MATN2: variants seen among roughly 807,000 people sequenced by gnomAD.
MATN2 encodes matrilin 2, also known as matrilin-2.
MATN2 carries 69 observed loss-of-function variants against 103.2 expected under a neutral mutation model. The observed-to-expected ratio is 0.67, with a 90% CI of 0.55 to 0.82. The LOEUF (loss-of-function observed/expected upper bound fraction) is 0.82. Ranked by LOEUF, MATN2 falls within the 40% of genes least tolerant of loss-of-function variation. The pLI, the probability that MATN2 is intolerant of heterozygous loss-of-function variation, is 0.00. For missense variants in MATN2, 1,023 were observed against 1,211.5 expected, an observed-to-expected ratio of 0.84 and a Z score of 2.31; for synonymous variants, 429 against 450.2, an observed-to-expected ratio of 0.95 and a Z score of 0.60.
intron 4 of MATN2, among the ~76,000 whole-genome samples, chr8:97,959,565 T>C (rs1811241958): frequency 6.6e-6 from 1 of 152,190 alleles, no homozygotes; most frequent in Non-Finnish European, 1.5e-5. Flanking sequence ...ATTGGAAATG[T>C]GAGATATAAA....
chr8:98,018,206 T>G, intron 12 of MATN2, 90 bp downstream of exon 12: 1 of 1,522,646 alleles, frequency 6.6e-7, no homozygotes, highest in Admixed American at 1.8e-5. Flanking sequence ...CCTCCTTTAT[T>G]ACCACTGTCA....
At chr8:97,983,498 C>G (rs1421359221) in intron 6 of MATN2, among the ~76,000 whole-genome samples, 1 of 152,160 alleles carries the variant, frequency 6.6e-6, no homozygotes, top group Admixed American at 6.5e-5. Flanking sequence ...AGGGTCTTTT[C>G]ACCAGAAAGA....
intron 2 of MATN2, among the ~76,000 whole-genome samples, chr8:97,900,164 A>G (rs1159790803): frequency 1.3e-5 from 2 of 152,252 alleles, no homozygotes; most frequent in African/African-American, 4.8e-5. Context: ...TTATAGGGAA[A>G]GATGAAAGGA....
intron 2 of MATN2, among the ~76,000 whole-genome samples, chr8:97,902,571 C>A (rs574373738): frequency 6.6e-6 from 1 of 151,520 alleles, no homozygotes; most frequent in African/African-American, 2.4e-5. Context: ...TCTCATAGAT[C>A]ACAAAGCTCT....
intron 6 of MATN2, among the ~76,000 whole-genome samples, chr8:97,992,177 A>C (rs1001683337): frequency 6.6e-6 from 1 of 152,196 alleles, no homozygotes; most frequent in African/African-American, 2.4e-5. Context: ...AAGGGAAAGG[A>C]CCAGAATGTA....
At chr8:97,919,064 C>T (rs1463362693) in intron 2 of MATN2, among the ~76,000 whole-genome samples, 1 of 152,124 alleles carries the variant, frequency 6.6e-6, no homozygotes. Context: ...CAAGGCCACT[C>T]CTGGTTTGGG....
At chr8:97,953,190 C>G (rs1003314855) in intron 4 of MATN2, among the ~76,000 whole-genome samples, 1 of 151,980 alleles carries the variant, frequency 6.6e-6, no homozygotes, top group African/African-American at 2.4e-5. Context: ...TAGGTGTGAC[C>G]CATCGTGCCG....
chr8:97,937,915 C>A (rs1433718585), intron 3 of MATN2, among the ~76,000 whole-genome samples: 1 of 152,090 alleles, frequency 6.6e-6, no homozygotes, highest in Admixed American at 6.5e-5. Flanking sequence ...AAGTGGAGTT[C>A]AGAGAAACCA....
rs1464307630 is a variant in MATN2, at chr8:97,985,234, A to G, written c.1081+6226A>G. Among the ~76,000 whole-genome samples the G allele has an allele frequency of 7.2e-5, 11 of 152,258 alleles. No individual in the cohort carries two copies. In the South Asian group the frequency reaches 1.0e-3, roughly 14 times the overall value. On this transcript the variant is annotated intron_variant, in intron 6 of 18. Transcript: ENST00000254898. ...TGGTGAGAGAGGAAGCAAGAGAGAAAGGATGAGGCGGTGCTCTTTTTAACA... is the reference window on the plus strand; with the variant it reads ...TGGTGAGAGAGGAAGCAAGAGAGAAGGGATGAGGCGGTGCTCTTTTTAACA...
At chr8:97,928,738 C>T (rs1202927817) in intron 2 of MATN2, among the ~76,000 whole-genome samples, 2 of 152,208 alleles carry the variant, frequency 1.3e-5, no homozygotes, top group Non-Finnish European at 2.9e-5. Context: ...ATGCAGCCAG[C>T]ACACGTCGGG....
Position 97,917,561 on chromosome 8 carries a change from AC to A in MATN2, c.143-13389del, listed in dbSNP as rs556382798. Among the ~76,000 whole-genome samples the A allele has an allele frequency of 9.1e-4, 139 of 152,196 alleles. No homozygotes were observed. The South Asian group carries it at 0.018, about 20-fold the overall frequency. ...ATATACAGAGCAGGGATAAGACTGC[AC>A]CCGCTCTGGCAGGACAGGGAGCCTG... On this transcript the variant is annotated intron_variant, in intron 2 of 18. Transcript: ENST00000254898.
chr8:97,900,581 C>G (rs1028405056), intron 2 of MATN2, among the ~76,000 whole-genome samples: 2 of 152,194 alleles, frequency 1.3e-5, no homozygotes, highest in Non-Finnish European at 2.9e-5. Flanking sequence ...TCTTAATCCC[C>G]CAGCCCTGAC....
At chr8:97,872,413 T>C (rs1296520358) in intron 1 of MATN2, among the ~76,000 whole-genome samples, 2 of 152,250 alleles carry the variant, frequency 1.3e-5, no homozygotes, top group African/African-American at 2.4e-5. Context: ...GTAGTTATTT[T>C]ATGTTGTTGT....
In MATN2 at chr8:98,007,161, G is replaced by A. The variant is rs1004168478; in HGVS notation, c.1384G>A (p.Glu462Lys). 12 of 1,613,558 alleles carry A rather than the reference G, an allele frequency of 7.4e-6. No individual in the cohort carries two copies. The highest frequency in any genetic ancestry group is 1.7e-5 in the Admixed American group (1 of 59,940). The change falls in exon 9 of 19, where the codon GAG (glutamate) becomes AAG (lysine). Residue 462 changes from glutamate (E) to lysine (K), a missense_variant. By Grantham distance (56) the Glu-to-Lys change is moderately conservative. Transcript: ENST00000254898. The surrounding 1 kb of genome is among the most constrained non-coding windows in gnomAD (Gnocchi z 4.2). ...CTGTGAGCAGCTGTGTCTGAACACG[G>A]AGGATTCCTTCGTCTGCCAGTGCTC... ...HGCEQLCLNT[E>K]DSFVCQCSEG...
In MATN2 at chr8:98,005,701, C is replaced by T. The variant is rs549758167; in HGVS notation, c.1328-1404C>T. On this transcript the variant is annotated intron_variant, in intron 8 of 18. Coordinates refer to ENST00000254898, the MANE Select transcript of MATN2 (RefSeq NM_002380.5). This position sits in a 1 kb window ranked among gnomAD's most constrained non-coding sequence, Gnocchi z 4.6. ...ATAAAGACAGCAAGCAATTCTGAGGCGCTCACTCTGTGCAGGCAATGCCCT... is the reference window on the plus strand; with the variant it reads ...ATAAAGACAGCAAGCAATTCTGAGGTGCTCACTCTGTGCAGGCAATGCCCT... Among the ~76,000 whole-genome samples the T allele has an allele frequency of 8.5e-5, 13 of 152,318 alleles. No homozygotes were observed. The highest frequency in any genetic ancestry group is 2.4e-4 in the African/African-American group (10 of 41,580).
At chr8:97,889,863 G>GTC (rs535621421) in intron 2 of MATN2, among the ~76,000 whole-genome samples, 150 of 151,924 alleles carry the variant, frequency 9.9e-4, no homozygotes, top group Admixed American at 2.8e-3. Context: ...TAGGCTCCAA[G>GTC]TCTCTCTCTC....
chr8:98,033,042 A>G lies in MATN2; in HGVS notation c.2582A>G (p.Glu861Gly). Residue 861 changes from glutamate to glycine, a missense_variant and splice_region_variant, in exon 17 of 19, where the codon GAA (glutamate) becomes GGA (glycine). Coordinates refer to ENST00000254898, the MANE Select transcript of MATN2 (RefSeq NM_002380.5). The part of the protein sequence containing the change: ...ELPKTVQQPT[E>G]SEPVTINIQD... Reference sequence around the variant, plus strand: ...ATTGCAGTTTTCTTTCTCTTTACAGAATCTGAGCCAGTCACCATAAATATC... The same window carrying G: ...ATTGCAGTTTTCTTTCTCTTTACAGGATCTGAGCCAGTCACCATAAATATC... 6.2e-7 allele frequency: 1 copy of G among 1,600,850 alleles called. No homozygotes were observed. The highest frequency in any genetic ancestry group is 8.5e-7 in the Non-Finnish European group (1 of 1,176,314).
At chr8:97,954,696 C>T (rs555272622) in intron 4 of MATN2, among the ~76,000 whole-genome samples, 4 of 152,278 alleles carry the variant, frequency 2.6e-5, no homozygotes, top group East Asian at 3.9e-4. Flanking sequence ...CCCAGCACTC[C>T]GAACCGTTCC....
At position 97,952,266 on chromosome 8, in the gene MATN2, A is replaced by G. The variant is rs1046646213; in HGVS notation, c.836-9142A>G. On this transcript the variant is annotated intron_variant, in intron 4 of 18. Transcript: ENST00000254898. Reference sequence around the variant, plus strand: ...GTGATAAACAATTTCTGATTTCTACATCTCAGATTAAATAACAGCAAGAGC... The same window carrying G: ...GTGATAAACAATTTCTGATTTCTACGTCTCAGATTAAATAACAGCAAGAGC... 5.3e-5 allele frequency: 8 copies of G among 152,194 alleles called. 1 individual carries two copies. Among genetic ancestry groups the G allele is most frequent in the Admixed American group, 2.0e-4 (3 of 15,278 alleles). 9.4% of individuals were successfully genotyped at this position (152,194 alleles called of 1,614,324 possible).
Sources: gnomAD v4.1 joint callset for allele counts (sites outside exome capture counted in the v4.1 genomes callset) on GRCh38, gnomAD v4.1.1 for gene constraint, Gnocchi (gnomAD v3.1) non-coding constraint, MANE v1.5 for transcripts, NCBI Gene and HGNC (gene_info 2026-07-23, HGNC 2026-07-21) for gene names.